EVI5: variants seen among roughly 807,000 people sequenced by gnomAD.
EVI5 encodes the protein ecotropic viral integration site 5.
A neutral mutation model predicts 112.0 loss-of-function variants in EVI5; 73 were observed. The observed-to-expected ratio is 0.65, with a 90% confidence interval of 0.54 to 0.79. The LOEUF (loss-of-function observed/expected upper bound fraction) is 0.79. Among genes scored for constraint, EVI5 ranks in the 30% least tolerant of loss-of-function variants. EVI5 has a pLI of 0.00. For synonymous variants in EVI5, 305 were observed against 319.9 expected (o/e 0.95, Z 0.50); for missense variants, 900 against 968.8 (o/e 0.93, Z 0.94).
chr1:92,683,947 G>C (rs1295036973), intron 9 of EVI5, among the ~76,000 whole-genome samples: 1 of 152,122 alleles, frequency 6.6e-6, no homozygotes, highest in East Asian at 1.9e-4. Flanking sequence ...GAAAGTGATG[G>C]GGACAATGGA....
At chr1:92,770,647 G>A (rs780134215) in intron 1 of EVI5, among the ~76,000 whole-genome samples, 25 of 151,842 alleles carry the variant, frequency 1.6e-4, no homozygotes, top group Non-Finnish European at 2.1e-4. Context: ...AAAATTAGCC[G>A]GGCGTGGTGG....
At chr1:92,557,052 A>G (rs1020404701) in intron 19 of EVI5, among the ~76,000 whole-genome samples, 26 of 152,232 alleles carry the variant, frequency 1.7e-4, no homozygotes, top group African/African-American at 6.3e-4. Flanking sequence ...ATTCCTAATC[A>G]CCTACTTAAA....
intron 19 of EVI5, among the ~76,000 whole-genome samples, chr1:92,542,384 T>C (rs1664963682): frequency 6.6e-6 from 1 of 152,210 alleles, no homozygotes; most frequent in South Asian, 2.1e-4. Context: ...TCTAGTTTTC[T>C]TGCTCTTTCC....
At chr1:92,742,288 G>C (rs1477644449) in intron 1 of EVI5, among the ~76,000 whole-genome samples, 5 of 151,828 alleles carry the variant, frequency 3.3e-5, no homozygotes, top group Non-Finnish European at 5.9e-5. Context: ...TTGAACTCCT[G>C]GCCTCAAGCA....
intron 19 of EVI5, among the ~76,000 whole-genome samples, chr1:92,551,838 C>T (rs1225865048): frequency 6.6e-6 from 1 of 151,994 alleles, no homozygotes; most frequent in African/African-American, 2.4e-5. Flanking sequence ...CCATTTCCTT[C>T]AAAAAATGCT....
intron 16 of EVI5, among the ~76,000 whole-genome samples, chr1:92,621,171 GA>G (rs1399288789): frequency 6.6e-6 from 1 of 151,736 alleles, no homozygotes; most frequent in Non-Finnish European, 1.5e-5. Context: ...AGAGAAGGTA[GA>G]AAAAAAGAAA....
chr1:92,689,606 A>C (rs1029409804), intron 9 of EVI5, among the ~76,000 whole-genome samples: 2 of 152,136 alleles, frequency 1.3e-5, no homozygotes, highest in South Asian at 2.1e-4. Flanking sequence ...AGGCTCAAAC[A>C]ATCTGCCTGC....
rs550861905 is a variant in EVI5 at position 92,588,492 on chromosome 1, T to C, written c.2070+16815A>G. Among the ~76,000 whole-genome samples, 3 of 152,350 alleles carry C rather than the reference T, an allele frequency of 2.0e-5. No individual in the cohort carries two copies. In the East Asian group the frequency reaches 5.8e-4, roughly 29 times the overall value. On this transcript the variant is annotated intron_variant, in intron 18 of 19. Coordinates refer to ENST00000684568, the MANE Select transcript of EVI5 (RefSeq NM_001350197.2). ...TGTTTAAATAAATATCCCCTTCTAA[T>C]GAACCTTTATAAACCACATTGTGAA...
In EVI5 at chr1:92,703,578, T is replaced by G. The variant is rs199506288; in HGVS notation, c.381A>C (p.Ile127=). Residue 127 remains isoleucine, a synonymous_variant, in exon 4 of 20, where the codon ATA becomes ATC. Transcript: ENST00000684568. ...GTGCACTGCATAAAAGTTGCCAAAC[T>G]ATTGCTCTAAAGTGATGGGGTATCC... ...HKGIPHHFRA[I]VWQLLCSAQS... 1 of 1,594,954 alleles carries G rather than the reference T, an allele frequency of 6.3e-7. No homozygotes were observed. Among genetic ancestry groups the G allele is most frequent in the Non-Finnish European group, 8.5e-7 (1 of 1,174,828 alleles).
At chr1:92,635,105 C>T (rs1281485730) in intron 14 of EVI5, among the ~76,000 whole-genome samples, 1 of 152,112 alleles carries the variant, frequency 6.6e-6, no homozygotes, top group Non-Finnish European at 1.5e-5. Context: ...GGGGTGCCTC[C>T]CAGTTAGGCT....
chr1:92,727,713 C>A lies in EVI5; in HGVS notation c.149+8685G>T, dbSNP rs150707288. On this transcript the variant is annotated intron_variant, in intron 2 of 19. Coordinates refer to ENST00000684568, the MANE Select transcript of EVI5 (RefSeq NM_001350197.2). Reference sequence around the variant, plus strand: ...GCAAAACCCAACTAAATGCTACTAACAGACAAACTCCAAAGATTTTTTCTA... The same window carrying A: ...GCAAAACCCAACTAAATGCTACTAAAAGACAAACTCCAAAGATTTTTTCTA... 3.2e-3 allele frequency among the ~76,000 whole-genome samples: 480 copies of A among 152,074 alleles called. 7 individuals are homozygous for A. The highest frequency in any genetic ancestry group is 0.011 in the African/African-American group (453 of 41,386).
intron 19 of EVI5, 29 bp from the exon 20 acceptor site, chr1:92,513,999 G>C: frequency 7.3e-7 from 1 of 1,363,954 alleles, no homozygotes. Context: ...AGTTAATACA[G>C]TCAAATGGGG....
chr1:92,673,162 T>A (rs2102281340), intron 10 of EVI5, among the ~76,000 whole-genome samples: 1 of 148,520 alleles, frequency 6.7e-6, no homozygotes, highest in East Asian at 2.0e-4. Context: ...ATGTAATTCC[T>A]GGGCAACTTA....
rs1254403787 is a variant in EVI5 at position 92,625,867 on chromosome 1, A to C, written c.1595T>G (p.Leu532Arg). The change falls in exon 15 of 20, where the codon CTT becomes CGT. Residue 532 changes from leucine (L) to arginine (R), a missense_variant. Coordinates refer to ENST00000684568, the MANE Select transcript of EVI5 (RefSeq NM_001350197.2). The part of the protein sequence containing the change: ...RLQEELIAVK[L>R]REAEAIMGLK... ...ACCCATAATGGCTTCTGCTTCTCTA[A>C]GTTTCACAGCAATGAGTTCTTCCTG... The C allele has an allele frequency of 6.2e-7, 1 of 1,612,128 alleles. No homozygotes were observed. The highest frequency in any genetic ancestry group is 1.7e-5 in the Admixed American group (1 of 60,004).
intron 13 of EVI5, among the ~76,000 whole-genome samples, chr1:92,638,183 T>C (rs375917831): frequency 6.6e-6 from 1 of 152,146 alleles, no homozygotes; most frequent in African/African-American, 2.4e-5. Context: ...AAGGCCCATA[T>C]GAGAATGGAA....
chr1:92,677,152 G>A lies in EVI5; in HGVS notation c.1158+6C>T. 1 of 1,567,374 alleles carries A rather than the reference G, an allele frequency of 6.4e-7. No individual in the cohort carries two copies. Among genetic ancestry groups the A allele is most frequent in the South Asian group, 1.1e-5 (1 of 87,240 alleles). The stretch of plus-strand genomic sequence containing the variant: ...TCAGTACTTTAAAAAGCCCCCAACT[G>A]CTTACTTTAATTTCAACTTGCTCTT... On this transcript the variant is annotated splice_donor_region_variant and intron_variant, in intron 10 of 19. Transcript: ENST00000684568.
At chr1:92,737,347 G>A (rs895818906) in intron 1 of EVI5, among the ~76,000 whole-genome samples, 1 of 152,142 alleles carries the variant, frequency 6.6e-6, no homozygotes, top group Non-Finnish European at 1.5e-5. Context: ...CAATAGCTAC[G>A]TTAATGTGGC....
Position 92,757,745 on chromosome 1 carries a change from T to TA in EVI5, c.-81-21119dup, listed in dbSNP as rs1681162754. ...GACAAAACCCCGTCTCTATTAAAGA[T>TA]ACAAAAATTAGCCAGGCATGGTGGT... is the stretch of plus-strand genomic sequence containing the variant. On this transcript the variant is annotated intron_variant, in intron 1 of 19. Coordinates refer to ENST00000684568, the MANE Select transcript of EVI5 (RefSeq NM_001350197.2). Among the ~76,000 whole-genome samples, 8 of 151,634 alleles carry TA rather than the reference T, an allele frequency of 5.3e-5. No homozygotes were observed. In the South Asian group the frequency reaches 1.7e-3, roughly 32 times the overall value.
chr1:92,613,593 TA>T (rs1404718356), intron 16 of EVI5, among the ~76,000 whole-genome samples: 23 of 152,052 alleles, frequency 1.5e-4, no homozygotes, highest in African/African-American at 5.1e-4. Flanking sequence ...CCCAGCCATT[TA>T]TTTTTTTTTA....
Sources: gnomAD v4.1 joint callset for allele counts (sites outside exome capture counted in the v4.1 genomes callset) on GRCh38, gnomAD v4.1.1 for gene constraint, MANE v1.5 for transcripts, NCBI Gene and HGNC (gene_info 2026-07-23, HGNC 2026-07-21) for gene names.